The following LAMA4 variants were observed in gnomAD, a reference collection of about 807,000 sequenced individuals.
The protein encoded by LAMA4 is laminin subunit alpha 4.
A neutral mutation model predicts 207.1 loss-of-function variants in LAMA4; 127 were observed. The ratio of observed to expected loss-of-function variants is 0.61; its 90% confidence interval spans 0.53 to 0.71. LAMA4 has a LOEUF of 0.71. Among genes scored for constraint, LAMA4 ranks in the 30% least tolerant of loss-of-function variants. The probability of loss-of-function intolerance (pLI) is 0.00; values close to 1 mark genes in which losing one functional copy is unlikely to be tolerated. For synonymous variants in LAMA4, 761 were observed against 816.0 expected, an observed-to-expected ratio of 0.93 and a Z score of 1.15; for missense variants, 2,093 against 2,246.5, an observed-to-expected ratio of 0.93 and a Z score of 1.38.
rs1778274401 is a variant in LAMA4, at chr6:112,120,326, T to G, written c.4622A>C (p.Lys1541Thr). ...YMFNVGHKKL[K>T]IRSQEKYNDG... ...ATTGTATTTCTCCTGGCTTCTAATC[T>G]TCAGTTTTTTGTGACCAACATTAAA... Residue 1541 changes from lysine (K) to threonine (T), a missense_variant, in exon 33 of 39, where the codon AAG (lysine) becomes ACG (threonine). Physicochemically the swap from Lys to Thr is moderately conservative, Grantham distance 78 (BLOSUM62 -1). Transcript: ENST00000230538. The G allele has an allele frequency of 1.2e-6, 2 of 1,614,038 alleles. No individual in the cohort carries two copies. Among genetic ancestry groups the G allele is most frequent in the Non-Finnish European group, 8.5e-7 (1 of 1,179,984 alleles).
At chr6:112,178,515 T>C (rs1392758848) in intron 9 of LAMA4, 4 of 409,674 alleles carry the variant, frequency 9.8e-6, no homozygotes, top group African/African-American at 2.1e-5. Context: ...TAGACTTTGG[T>C]GCACCCATCA....
chr6:112,190,926 T>TC (rs1225357399), intron 6 of LAMA4, among the ~76,000 whole-genome samples: 132 of 93,698 alleles, frequency 1.4e-3, no homozygotes, highest in South Asian at 2.8e-3. Flanking sequence ...TTTCTTTCTT[T>TC]CTTTCTTTCT....
At position 112,134,586 on chromosome 6, in the gene LAMA4, A is replaced by G. The variant is rs1554330913; in HGVS notation, c.3438T>C (p.Asp1146=). ...YHEISIIYHN[D]KKMILVVDRR... ...TGTCAACTACCAAGATCATTTTCTT[A>G]TCATTGTGGTAAATGATTGAGATCT... Residue 1146 remains aspartate, a synonymous_variant, in exon 26 of 39, where the codon GAT becomes GAC. Transcript: ENST00000230538. 6.2e-7 allele frequency: 1 copy of G among 1,609,990 alleles called. No homozygotes were observed. Among genetic ancestry groups the G allele is most frequent in the East Asian group, 2.2e-5 (1 of 44,846 alleles).
chr6:112,175,392 C>T lies in LAMA4; in HGVS notation c.1278G>A (p.Met426Ile), dbSNP rs1554343327. 1 of 1,614,070 alleles carries T rather than the reference C, an allele frequency of 6.2e-7. No homozygotes were observed. Among genetic ancestry groups the T allele is most frequent in the African/African-American group, 1.3e-5 (1 of 74,926 alleles). ...ISEKLVLAQK[M>I]LEEIRSRQPF... The stretch of plus-strand genomic sequence containing the variant: ...GTTGACGGCTTCTAATCTCTTCAAG[C>T]ATCTTCTGGGCCAACACCAGCTTCT... Residue 426 changes from methionine to isoleucine, a missense_variant, in exon 11 of 39, where the codon ATG (methionine) becomes ATA (isoleucine). Physicochemically the swap from Met to Ile is conservative, Grantham distance 10. Transcript: ENST00000230538.
At position 112,191,702 on chromosome 6, in the gene LAMA4, C is replaced by G; in HGVS notation, c.652G>C (p.Gly218Arg). 1 of 1,614,082 alleles carries G rather than the reference C, an allele frequency of 6.2e-7. No individual in the cohort carries two copies. The highest frequency in any genetic ancestry group is 8.5e-7 in the Non-Finnish European group (1 of 1,179,994). Residue 218 changes from glycine (G) to arginine (R), a missense_variant, in exon 6 of 39, where the codon GGA (glycine) becomes CGA (arginine). Physicochemically the swap from Gly to Arg is moderately radical, Grantham distance 125. Coordinates refer to ENST00000230538, the MANE Select transcript of LAMA4 (RefSeq NM_001105206.3). ...QCRNCLRNTT[G>R]FKCERCAPGY... ...GGAGCGCAACGTTCACACTTGAATC[C>G]GGTGGTGTTGCGTAAGCAATTCCTA...
rs1289326896 is a variant in LAMA4, at chr6:112,231,777, C to T, written c.196-15308G>A. Among the ~76,000 whole-genome samples, 4 of 152,136 alleles carry T rather than the reference C, an allele frequency of 2.6e-5. 1 individual carries two copies. The highest frequency in any genetic ancestry group is 2.6e-4 in the Admixed American group (4 of 15,278). On this transcript the variant is annotated intron_variant, in intron 2 of 38. Transcript: ENST00000230538. ...CCCCACCTAACAGGAAAACTGTGGCCCATAAATTGTACTAATAAAATACCA... is the reference window on the plus strand; with the variant it reads ...CCCCACCTAACAGGAAAACTGTGGCTCATAAATTGTACTAATAAAATACCA...
At chr6:112,155,192 C>A in intron 15 of LAMA4, 3 of 591,194 alleles carry the variant, frequency 5.1e-6, no homozygotes, top group Non-Finnish European at 9.0e-6. Flanking sequence ...GGCCAAGGCC[C>A]CACCAAAGTG....
intron 36 of LAMA4, among the ~76,000 whole-genome samples, chr6:112,115,518 A>G (rs1449685204): frequency 1.2e-4 from 19 of 152,084 alleles, no homozygotes; most frequent in African/African-American, 3.6e-4. Flanking sequence ...CATATTATAG[A>G]TATTTAGAAA....
chr6:112,212,515 T>C (rs1037043321), intron 3 of LAMA4, among the ~76,000 whole-genome samples: 1 of 152,112 alleles, frequency 6.6e-6, no homozygotes, highest in African/African-American at 2.4e-5. Context: ...TGAGCCACCG[T>C]GCCCGGCCAG....
intron 2 of LAMA4, among the ~76,000 whole-genome samples, chr6:112,240,098 G>A (rs1786288759): frequency 6.6e-6 from 1 of 152,046 alleles, no homozygotes; most frequent in Non-Finnish European, 1.5e-5. Context: ...CCTTTTCATT[G>A]TTAAATTTCC....
chr6:112,232,645 G>C (rs1301564957), intron 2 of LAMA4, among the ~76,000 whole-genome samples: 1 of 152,052 alleles, frequency 6.6e-6, no homozygotes, highest in Non-Finnish European at 1.5e-5. Context: ...TGTTGTGATC[G>C]AGATAGCTAT....
rs1315819438 is a variant in LAMA4, at chr6:112,158,290, A to G, written c.1817+442T>C. ...GCCAATTCCCGACCAGTTTTACTTA[A>G]GACACTTGGGTGTGGAAAGATAATG... On this transcript the variant is annotated intron_variant, in intron 14 of 38. Transcript: ENST00000230538. The G allele has an allele frequency of 1.6e-5, 3 of 187,588 alleles. No individual in the cohort carries two copies. The East Asian group carries it at 4.4e-4, about 28-fold the overall frequency. 11.6% of individuals were successfully genotyped at this position (187,588 alleles called of 1,614,324 possible). A position where few individuals can be genotyped will look rare whatever the true frequency, so the allele number is the denominator to read the frequency against.
Position 112,155,617 on chromosome 6 carries a change from T to C in LAMA4, c.1907A>G (p.Glu636Gly), listed in dbSNP as rs947903548. 1.9e-6 allele frequency: 3 copies of C among 1,614,100 alleles called. No homozygotes were observed. The African/African-American group carries it at 4.0e-5, about 22-fold the overall frequency. Residue 636 changes from glutamate (E) to glycine (G), a missense_variant, in exon 15 of 39, where the codon GAA (glutamate) becomes GGA (glycine). This residue lies in a region of LAMA4 where 1,704 missense variants were observed against 1,788.4 expected (regional missense o/e 0.95). Transcript: ENST00000230538. The stretch of plus-strand genomic sequence containing the variant: ...AGCAAATTCTGCTGTTTCATTGGCT[T>C]CACTAACATAATTAACAATATTTTC... ...VYENIVNYVS[E>G]ANETAEFALN... is the part of the protein sequence containing the mutation.
intron 29 of LAMA4, chr6:112,130,308 G>C: frequency 2.2e-6 from 1 of 450,860 alleles, no homozygotes; most frequent in Non-Finnish European, 4.0e-6. Context: ...TTTTGTGTGT[G>C]TGTGTGTGTG....
chr6:112,214,018 A>G, intron 3 of LAMA4: 1 of 764,402 alleles, frequency 1.3e-6, no homozygotes, highest in Non-Finnish European at 2.4e-6. Context: ...CTGAGAGCTG[A>G]GAATGAACGA....
chr6:112,253,943 A>G lies in LAMA4; in HGVS notation c.195+13T>C, dbSNP rs782754550. The G allele has an allele frequency of 1.9e-6, 3 of 1,605,548 alleles. No homozygotes were observed. In the East Asian group the frequency reaches 6.8e-5, roughly 36 times the overall value. ...GGTGCCCCAGCAGGGTGGCAATGGC[A>G]GGGACACTGTACCTCGGCCGCAGGC... is the stretch of plus-strand genomic sequence containing the variant. On this transcript the variant is annotated intron_variant, in intron 2 of 38. Transcript: ENST00000230538.
intron 28 of LAMA4, among the ~76,000 whole-genome samples, chr6:112,132,295 C>T (rs1194751349): frequency 3.3e-5 from 5 of 151,946 alleles, no homozygotes; most frequent in African/African-American, 1.2e-4. Context: ...CCATAGCAGA[C>T]CTAATAACAT....
intron 11 of LAMA4, 21 bp from the exon 12 acceptor site, chr6:112,172,825 A>T (rs1554342440): frequency 1.9e-5 from 30 of 1,606,792 alleles, no homozygotes; most frequent in Non-Finnish European, 2.5e-5. Context: ...ATGGAGATAA[A>T]GGCTCAGTGT....
chr6:112,132,777 C>A lies in LAMA4; in HGVS notation c.3810G>T (p.Gly1270=), dbSNP rs782238293. ...GFNFRTLQPN[G]LLFYYASGSD... Reference sequence around the variant, plus strand: ...CCCCTGAAGCATAATAGAATAGTAACCCATTTGGTTGTAATGTTCGGAAAT... The same window carrying A: ...CCCCTGAAGCATAATAGAATAGTAAACCATTTGGTTGTAATGTTCGGAAAT... Residue 1270 remains glycine, a synonymous_variant, in exon 28 of 39, where the codon GGG becomes GGT. Transcript: ENST00000230538. 3.1e-6 allele frequency: 5 copies of A among 1,612,816 alleles called. No homozygotes were observed. Among genetic ancestry groups the A allele is most frequent in the African/African-American group, 2.7e-5 (2 of 74,868 alleles).
Sources: allele counts gnomAD v4.1 joint callset (sites outside exome capture counted in the v4.1 genomes callset), GRCh38; gene constraint gnomAD v4.1.1; regional missense constraint gnomAD v4.1.1; transcripts MANE v1.5; gene names NCBI Gene and HGNC (gene_info 2026-07-23, HGNC 2026-07-21).